The following RBPJ variants were observed in gnomAD, a reference collection of about 807,000 sequenced individuals.
RBPJ encodes the protein recombining binding protein suppressor of hairless.
RBPJ carries 9 observed loss-of-function variants against 67.8 expected under a neutral mutation model. The ratio of observed to expected loss-of-function variants is 0.13; its 90% CI spans 0.08 to 0.23. The LOEUF (loss-of-function observed/expected upper bound fraction) is 0.23, where lower values mean the gene tolerates loss of function less well. Ranked by LOEUF, RBPJ falls within the 10% of genes least tolerant of loss-of-function variation. The pLI is 1.00. For missense variants in RBPJ, 305 were observed against 595.6 expected (o/e 0.51, Z 5.08); for synonymous variants, 198 against 203.3 (o/e 0.97, Z 0.22).
At chr4:26,303,661 AG>A (rs995578729) in intron 1 of RBPJ, among the ~76,000 whole-genome samples, 4 of 151,806 alleles carry the variant, frequency 2.6e-5, no homozygotes, top group Non-Finnish European at 4.4e-5. Context: ...TAAAGCATCT[AG>A]GCTGGGCGTG....
chr4:26,191,210 T>TAGAGAGAGAGAGAGAG (rs545388933), intron 1 of RBPJ, among the ~76,000 whole-genome samples: 1 of 26,836 alleles, frequency 3.7e-5, no homozygotes, highest in Non-Finnish European at 6.2e-5. Flanking sequence ...TATATATATA[T>TAGAGAGAGAGAGAGAG]AGAGAGAGAG....
At chr4:26,210,915 A>G (rs1401834348) in intron 1 of RBPJ, among the ~76,000 whole-genome samples, 3 of 151,794 alleles carry the variant, frequency 2.0e-5, no homozygotes, top group Non-Finnish European at 4.4e-5. Flanking sequence ...AGTACTAGGC[A>G]TTCTCCACTT....
chr4:26,198,270 AAAAAAAC>A (rs1416835777), intron 1 of RBPJ, among the ~76,000 whole-genome samples: 1 of 151,614 alleles, frequency 6.6e-6, no homozygotes, highest in South Asian at 2.1e-4. Flanking sequence ...ACAAAAAAAC[AAAAAAAC>A]AAAAAAACAA....
chr4:26,427,360 C>T (rs879229477), intron 7 of RBPJ, among the ~76,000 whole-genome samples: 3 of 152,140 alleles, frequency 2.0e-5, no homozygotes, highest in Admixed American at 2.0e-4. Context: ...CTTGAGGTGC[C>T]TGTTAGACAT....
rs186341753 is a variant in RBPJ, at chr4:26,422,951, T to C, written c.497-1391T>C. Among the ~76,000 whole-genome samples, 12 of 152,328 alleles carry C rather than the reference T, an allele frequency of 7.9e-5. No homozygotes were observed. The East Asian group carries it at 1.7e-3, about 22-fold the overall frequency. On this transcript the variant is annotated intron_variant, in intron 5 of 10. Transcript: ENST00000355476. ...GATCTACCACTTAGTACAGTTTATATTGTGATATGTCCTTGAGTATAATCT... is the reference window on the plus strand; with the variant it reads ...GATCTACCACTTAGTACAGTTTATACTGTGATATGTCCTTGAGTATAATCT...
rs374044281 is a variant in RBPJ at position 26,255,613 on chromosome 4, T to C, written c.-167+91999T>C. ...GTCGGGAGATCGAGACCATCCTGGC[T>C]AACACGGTGAAACCCCGTCTCTACT... On this transcript the variant is annotated intron_variant, in intron 1 of 4. Coordinates refer to the RBPJ transcript ENST00000512351. Among the ~76,000 whole-genome samples the C allele has an allele frequency of 4.3e-3, 637 of 148,756 alleles. 9 individuals carry two copies. The highest frequency in any genetic ancestry group is 0.021 in the Middle Eastern group (6 of 280).
At chr4:26,135,349 G>A in the RBPJ span, among the ~76,000 whole-genome samples, 3 of 152,064 alleles carry the variant, frequency 2.0e-5, no homozygotes, top group Non-Finnish European at 4.4e-5. Flanking sequence ...GAAGGAGTGT[G>A]TGTATCCCCA....
intron 1 of RBPJ, among the ~76,000 whole-genome samples, chr4:26,188,826 A>G (rs1174424630): frequency 6.6e-6 from 1 of 152,240 alleles, no homozygotes; most frequent in African/African-American, 2.4e-5. Flanking sequence ...TGCATCATAT[A>G]AGATAGATTA....
upstream of RBPJ, among the ~76,000 whole-genome samples, chr4:26,160,067 C>T (rs759610790): frequency 2.0e-5 from 3 of 152,072 alleles, no homozygotes; most frequent in Admixed American, 6.6e-5. Context: ...TACAGGCGCC[C>T]GCCACCGTGC....
intron 2 of RBPJ, among the ~76,000 whole-genome samples, chr4:26,389,452 TA>T (rs1239874814): frequency 6.6e-6 from 1 of 150,828 alleles, no homozygotes; most frequent in African/African-American, 2.4e-5. Flanking sequence ...CTTGTCAACC[TA>T]GAATTCTATA....
intron 1 of RBPJ, among the ~76,000 whole-genome samples, chr4:26,244,325 A>G (rs200075488): frequency 0.05 from 11 of 218 alleles, no homozygotes; most frequent in East Asian, 0.25. Flanking sequence ...GTATATGTAT[A>G]CACATATGTG....
intron 1 of RBPJ, among the ~76,000 whole-genome samples, chr4:26,191,699 AG>A (rs1242997534): frequency 6.6e-6 from 1 of 152,226 alleles, no homozygotes; most frequent in Non-Finnish European, 1.5e-5. Flanking sequence ...GTGGTCTACC[AG>A]GGAAGCTCAT....
the RBPJ span, among the ~76,000 whole-genome samples, chr4:26,119,415 T>C: frequency 1.3e-5 from 2 of 152,208 alleles, no homozygotes; most frequent in African/African-American, 2.4e-5. Context: ...ATAAAGAAAG[T>C]ATGGACCCTT....
At chr4:26,106,083 G>T in the RBPJ span, among the ~76,000 whole-genome samples, 1 of 152,226 alleles carries the variant, frequency 6.6e-6, no homozygotes, top group African/African-American at 2.4e-5. Context: ...ATTCCAAAGA[G>T]GTGGGCAATA....
Position 26,398,978 on chromosome 4 carries a change from G to GT in RBPJ, c.60-7190dup, listed in dbSNP as rs534450764. Among the ~76,000 whole-genome samples the GT allele has an allele frequency of 7.4e-3, 1,125 of 152,236 alleles. 8 individuals carry two copies. The highest frequency in any genetic ancestry group is 0.012 in the Non-Finnish European group (832 of 68,012). ...AAAGTACTCAGTTTCTAGATACTAG[G>GT]TTTTTTTGCAGTGCATCTTTACCTT... On this transcript the variant is annotated intron_variant, in intron 2 of 10. Coordinates refer to ENST00000355476, the MANE Select transcript of RBPJ (RefSeq NM_015874.6).
intron 2 of RBPJ, among the ~76,000 whole-genome samples, chr4:26,404,574 A>T (rs1733196180): frequency 6.6e-6 from 1 of 152,326 alleles, no homozygotes; most frequent in South Asian, 2.1e-4. Context: ...ACTGTTCACT[A>T]TAAGAGCTTG....
At chr4:26,185,440 G>GT (rs1717209929) in intron 1 of RBPJ, among the ~76,000 whole-genome samples, 1 of 152,198 alleles carries the variant, frequency 6.6e-6, no homozygotes, top group Non-Finnish European at 1.5e-5. Flanking sequence ...AAAGGAAATC[G>GT]TAAGAGCATT....
intron 1 of RBPJ, among the ~76,000 whole-genome samples, chr4:26,373,999 G>A (rs200707389): frequency 6.9e-6 from 1 of 143,914 alleles, no homozygotes; most frequent in African/African-American, 2.6e-5. Context: ...GCTCACTGCA[G>A]CCTCCGCCTC....
intron 1 of RBPJ, among the ~76,000 whole-genome samples, chr4:26,296,053 G>A (rs2109294107): frequency 6.6e-6 from 1 of 152,296 alleles, no homozygotes; most frequent in Admixed American, 6.5e-5. Flanking sequence ...TGGAGAGAAA[G>A]CACTTCCTCT....
Sources: gnomAD v4.1 joint callset for allele counts (sites outside exome capture counted in the v4.1 genomes callset) on GRCh38, gnomAD v4.1.1 for gene constraint, MANE v1.5 for transcripts, NCBI Gene and HGNC (gene_info 2026-07-23, HGNC 2026-07-21) for gene names.